Variants in KHDRBS2 observed in about 807,000 individuals in gnomAD.
KHDRBS2 encodes the protein KH RNA binding domain containing, signal transduction associated 2, also known as KH domain-containing, RNA-binding, signal transduction-associated protein 2.
Under a neutral mutation model 44.3 loss-of-function variants are expected in KHDRBS2, and 26 were observed. The observed-to-expected ratio is 0.59, with a 90% CI of 0.43 to 0.81. The LOEUF (loss-of-function observed/expected upper bound fraction) is 0.81. Ranked by LOEUF, KHDRBS2 falls within the 40% of genes least tolerant of loss-of-function variation. The pLI is 0.00. For missense variants in KHDRBS2, 476 were observed against 433.1 expected (o/e 1.10, Z -0.88); for synonymous variants, 194 against 151.1 (o/e 1.28, Z -2.08).
intron 1 of KHDRBS2, among the ~76,000 whole-genome samples, chr6:62,245,657 G>A (rs1429445292): frequency 6.6e-6 from 1 of 152,062 alleles, no homozygotes; most frequent in Non-Finnish European, 1.5e-5. Flanking sequence ...ATAGGAATAT[G>A]AGTGTCATAC....
chr6:62,259,416 G>A (rs115895881), intron 1 of KHDRBS2, among the ~76,000 whole-genome samples: 3,727 of 151,462 alleles, frequency 0.025, 117 homozygotes, highest in African/African-American at 0.08. Flanking sequence ...TGGGAATTCA[G>A]TTTTATAACT....
intron 2 of KHDRBS2, among the ~76,000 whole-genome samples, chr6:62,119,278 A>G (rs535444334): frequency 2.0e-4 from 31 of 152,226 alleles, no homozygotes; most frequent in African/African-American, 7.5e-4. Flanking sequence ...AAGTTTAGTG[A>G]CTCTATACAT....
rs112227301 is a variant in KHDRBS2 at position 61,816,404 on chromosome 6, G to A, written c.810+78231C>T. Among the ~76,000 whole-genome samples the A allele has an allele frequency of 2.8e-3, 419 of 152,110 alleles. 6 individuals are homozygous for A. The highest frequency in any genetic ancestry group is 9.8e-3 in the African/African-American group (405 of 41,516). ...CCGTGTGAAGACAGAGACATACAGC[G>A]AGAATACATGTGTAGACAGAGGAAG... On this transcript the variant is annotated intron_variant, in intron 6 of 8. Coordinates refer to ENST00000281156, the MANE Select transcript of KHDRBS2 (RefSeq NM_152688.4).
At position 62,184,068 on chromosome 6, in the gene KHDRBS2, C is replaced by G. The variant is rs77368466; in HGVS notation, c.92-6756G>C. Among the ~76,000 whole-genome samples, 408 of 151,614 alleles carry G rather than the reference C, an allele frequency of 2.7e-3. 2 individuals are homozygous for G. Among genetic ancestry groups the G allele is most frequent in the African/African-American group, 9.6e-3 (397 of 41,450 alleles). On this transcript the variant is annotated intron_variant, in intron 1 of 8. Transcript: ENST00000281156. Reference sequence around the variant, plus strand: ...TGCTTTTTGTATTTGAATACAGAACCAAACTTTTAATAATTAGTGTTAATA... The same window carrying G: ...TGCTTTTTGTATTTGAATACAGAACGAAACTTTTAATAATTAGTGTTAATA...
chr6:61,832,948 A>G (rs779049754), intron 6 of KHDRBS2, among the ~76,000 whole-genome samples: 4 of 152,250 alleles, frequency 2.6e-5, no homozygotes, highest in Non-Finnish European at 5.9e-5. Context: ...TAAACTTAAT[A>G]CTTTGATTAA....
chr6:61,631,305 C>CAAAAA, the KHDRBS2 span, among the ~76,000 whole-genome samples: 18 of 66,992 alleles, frequency 2.7e-4, no homozygotes, highest in South Asian at 8.6e-4. Context: ...ACGAATAAGC[C>CAAAAA]AAAAAAAAAA....
At chr6:62,124,614 C>CAA (rs933661748) in intron 2 of KHDRBS2, among the ~76,000 whole-genome samples, 1 of 151,844 alleles carries the variant, frequency 6.6e-6, no homozygotes, top group Non-Finnish European at 1.5e-5. Flanking sequence ...CACACACACA[C>CAA]ACACACCACC....
rs1222231888 is a variant in KHDRBS2 at position 61,984,530 on chromosome 6, C to CA, written c.337-6319dup. On this transcript the variant is annotated intron_variant, in intron 3 of 8. Transcript: ENST00000281156. ...AGAGATTTACCAAAGTCAGCTACCA[C>CA]AACCCCTGACTCTGGAGTGGTCTCC... Among the ~76,000 whole-genome samples the CA allele has an allele frequency of 5.7e-4, 87 of 152,326 alleles. 2 individuals are homozygous for CA. In the South Asian group the frequency reaches 0.018, roughly 31 times the overall value.
intron 2 of KHDRBS2, among the ~76,000 whole-genome samples, chr6:62,169,503 TG>T (rs781476369): frequency 8.6e-5 from 13 of 152,008 alleles, no homozygotes; most frequent in Non-Finnish European, 1.3e-4. Context: ...CCCAACGAGC[TG>T]ATCACTTAAG....
intron 7 of KHDRBS2, among the ~76,000 whole-genome samples, chr6:61,731,657 G>C (rs781719951): frequency 1.2e-4 from 19 of 152,086 alleles, no homozygotes; most frequent in Non-Finnish European, 2.8e-4. Flanking sequence ...AATAAAGTTG[G>C]TCAAGAAATG....
chr6:62,105,971 T>A (rs551593052), intron 2 of KHDRBS2, among the ~76,000 whole-genome samples: 104 of 152,320 alleles, frequency 6.8e-4, no homozygotes, highest in Non-Finnish European at 1.4e-3. Flanking sequence ...GATTCTGGTA[T>A]GTTGTGTCTT....
chr6:61,600,262 A>G, the KHDRBS2 span, among the ~76,000 whole-genome samples: 1 of 152,138 alleles, frequency 6.6e-6, no homozygotes, highest in Non-Finnish European at 1.5e-5. Flanking sequence ...GCCTGAAGTA[A>G]CTGAAAAATC....
In KHDRBS2 at chr6:62,132,090, T is replaced by C. The variant is rs531242136; in HGVS notation, c.219+45095A>G. On this transcript the variant is annotated intron_variant, in intron 2 of 8. Transcript: ENST00000281156. The stretch of plus-strand genomic sequence containing the variant: ...CACTTTAATAGTAATTTTTTCACAT[T>C]ACTAAGTAATCAAAAATACTTCCAA... Among the ~76,000 whole-genome samples, 249 of 152,326 alleles carry C rather than the reference T, an allele frequency of 1.6e-3. 1 individual carries two copies. The highest frequency in any genetic ancestry group is 2.7e-3 in the Non-Finnish European group (181 of 68,024).
intron 3 of KHDRBS2, among the ~76,000 whole-genome samples, chr6:62,010,470 T>C (rs752080793): frequency 6.6e-6 from 1 of 152,092 alleles, no homozygotes; most frequent in African/African-American, 2.4e-5. Context: ...AAGGCATGAT[T>C]GGTTTTGAAA....
At chr6:61,556,059 G>T in the KHDRBS2 span, among the ~76,000 whole-genome samples, 1 of 152,192 alleles carries the variant, frequency 6.6e-6, no homozygotes, top group Non-Finnish European at 1.5e-5. Context: ...CCACTGGTGG[G>T]CCTAGGGCTG....
chr6:61,829,167 AGTT>A (rs367641243), intron 6 of KHDRBS2, among the ~76,000 whole-genome samples: 73 of 152,150 alleles, frequency 4.8e-4, no homozygotes, highest in African/African-American at 1.4e-3. Flanking sequence ...ATTTTGTTGT[AGTT>A]GTTGTTGTTG....
At chr6:61,954,126 C>G (rs1456790162) in intron 4 of KHDRBS2, among the ~76,000 whole-genome samples, 1 of 152,072 alleles carries the variant, frequency 6.6e-6, no homozygotes, top group South Asian at 2.1e-4. Flanking sequence ...CAAGGCATAA[C>G]ACTGAGAAAT....
At chr6:62,114,503 A>AT (rs1424700247) in intron 2 of KHDRBS2, among the ~76,000 whole-genome samples, 1 of 152,096 alleles carries the variant, frequency 6.6e-6, no homozygotes, top group Non-Finnish European at 1.5e-5. Flanking sequence ...AAGGAGTATT[A>AT]AATAGAATAA....
the KHDRBS2 span, among the ~76,000 whole-genome samples, chr6:61,552,215 G>A: frequency 6.6e-6 from 1 of 151,744 alleles, no homozygotes; most frequent in South Asian, 2.1e-4. Context: ...AATTCTAATT[G>A]TAGAGATCTT....
Sources: allele counts gnomAD v4.1 joint callset (sites outside exome capture counted in the v4.1 genomes callset), GRCh38; gene constraint gnomAD v4.1.1; transcripts MANE v1.5; gene names NCBI Gene and HGNC (gene_info 2026-07-23, HGNC 2026-07-21).